ZNF385B: variants seen among roughly 807,000 people sequenced by gnomAD.
The protein encoded by ZNF385B is zinc finger protein 385B.
ZNF385B carries 23 observed loss-of-function variants against 39.2 expected under a neutral mutation model. That is an observed-to-expected ratio of 0.59 (90% CI 0.42 to 0.83). The LOEUF is 0.83. Ranked by LOEUF, ZNF385B falls within the 40% of genes least tolerant of loss-of-function variation. The pLI is 0.00. For synonymous variants in ZNF385B, 205 were observed against 222.6 expected (o/e 0.92, Z 0.70); for missense variants, 552 against 598.9 (o/e 0.92, Z 0.82).
chr2:179,618,383 T>C (rs933228040), intron 3 of ZNF385B, among the ~76,000 whole-genome samples: 4 of 152,120 alleles, frequency 2.6e-5, no homozygotes, highest in Non-Finnish European at 4.4e-5. Flanking sequence ...GCCTTAAATG[T>C]CACTCTTTCC....
chr2:179,740,868 T>A (rs1431718461), intron 3 of ZNF385B, among the ~76,000 whole-genome samples: 1 of 151,994 alleles, frequency 6.6e-6, no homozygotes, highest in Non-Finnish European at 1.5e-5. Context: ...AGGCAAAAAA[T>A]ATCTTGAGAG....
intron 3 of ZNF385B, among the ~76,000 whole-genome samples, chr2:179,735,983 G>GTAAC (rs57913425): frequency 0.085 from 12,671 of 149,724 alleles, 636 homozygotes; most frequent in Non-Finnish European, 0.11. Flanking sequence ...GTACACGTAT[G>GTAAC]TAACCTGCAC....
intron 3 of ZNF385B, among the ~76,000 whole-genome samples, chr2:179,595,646 G>A (rs1687935137): frequency 6.7e-6 from 1 of 150,066 alleles, no homozygotes; most frequent in Admixed American, 6.6e-5. Context: ...TTCTTCCAGA[G>A]ACAGGGTCTC....
intron 6 of ZNF385B, among the ~76,000 whole-genome samples, chr2:179,451,215 C>T (rs1394946199): frequency 6.9e-6 from 1 of 145,932 alleles, no homozygotes; most frequent in Non-Finnish European, 1.5e-5. Context: ...CTAACCTGCA[C>T]GTTGTGCACA....
intron 3 of ZNF385B, among the ~76,000 whole-genome samples, chr2:179,627,152 G>A (rs370083378): frequency 2.6e-5 from 4 of 152,224 alleles, no homozygotes; most frequent in African/African-American, 9.6e-5. Flanking sequence ...TTAGAGCTTG[G>A]TGAGTTTCTG....
chr2:179,745,465 T>A (rs978619579), intron 3 of ZNF385B, among the ~76,000 whole-genome samples: 2 of 152,160 alleles, frequency 1.3e-5, no homozygotes, highest in South Asian at 4.1e-4. Flanking sequence ...AGTCACCTAC[T>A]GGTAAGATGT....
intron 3 of ZNF385B, chr2:179,660,187 T>A (rs1456601985): frequency 6.6e-6 from 1 of 152,510 alleles, no homozygotes; most frequent in Middle Eastern, 3.2e-3. Flanking sequence ...TTATTGCAGA[T>A]TGAGTGTGAG....
intron 3 of ZNF385B, among the ~76,000 whole-genome samples, chr2:179,620,191 G>A (rs1007829813): frequency 3.9e-5 from 6 of 152,178 alleles, no homozygotes; most frequent in Non-Finnish European, 8.8e-5. Context: ...GCTAGACACA[G>A]AGATAAACTT....
intron 3 of ZNF385B, among the ~76,000 whole-genome samples, chr2:179,578,611 G>T (rs1686120034): frequency 6.6e-6 from 1 of 152,058 alleles, no homozygotes; most frequent in African/African-American, 2.4e-5. Flanking sequence ...ATCAACACAA[G>T]TCATTTGCAT....
Position 179,642,327 on chromosome 2 carries a change from T to C in ZNF385B, c.299-97358A>G, listed in dbSNP as rs1692338690. On this transcript the variant is annotated intron_variant, in intron 3 of 9. Transcript: ENST00000410066. ...GCTTCCCTTCTGATGGTCAATAATGTTCTTCCTCTAGTTTCATTTACATCC... is the reference window on the plus strand; with the variant it reads ...GCTTCCCTTCTGATGGTCAATAATGCTCTTCCTCTAGTTTCATTTACATCC... 2.0e-5 allele frequency among the ~76,000 whole-genome samples: 3 copies of C among 152,178 alleles called. No individual in the cohort carries two copies. The South Asian group carries it at 6.2e-4, about 31-fold the overall frequency.
intron 4 of ZNF385B, among the ~76,000 whole-genome samples, chr2:179,528,617 C>T (rs1427564448): frequency 6.6e-6 from 1 of 152,178 alleles, no homozygotes; most frequent in Non-Finnish European, 1.5e-5. Flanking sequence ...TCACCATCTC[C>T]TTCTCTTTAG....
Position 179,689,274 on chromosome 2 carries a change from G to C in ZNF385B, c.298+80229C>G, listed in dbSNP as rs948973126. The stretch of plus-strand genomic sequence containing the variant: ...TTATGACAAGGAAGAAAAGCTTTAC[G>C]GGTAAAAGCCGAGAACCAAGGAATT... On this transcript the variant is annotated intron_variant, in intron 3 of 9. Coordinates refer to ENST00000410066, the MANE Select transcript of ZNF385B (RefSeq NM_152520.6). Among the ~76,000 whole-genome samples the C allele has an allele frequency of 2.0e-5, 3 of 152,134 alleles. No homozygotes were observed. In the East Asian group the frequency reaches 5.8e-4, roughly 29 times the overall value.
chr2:179,855,488 T>C (rs1348601183), intron 1 of ZNF385B, among the ~76,000 whole-genome samples: 1 of 152,234 alleles, frequency 6.6e-6, no homozygotes, highest in Non-Finnish European at 1.5e-5. Context: ...CCAGTTTATA[T>C]GTCTTTTAAT....
intron 3 of ZNF385B, chr2:179,583,994 A>G (rs1276808941): frequency 8.1e-7 from 1 of 1,231,516 alleles, no homozygotes; most frequent in Non-Finnish European, 1.1e-6. Flanking sequence ...GCCATGTGCC[A>G]AACAACCTGC....
chr2:179,628,412 T>C (rs144206270), intron 3 of ZNF385B, among the ~76,000 whole-genome samples: 1 of 152,322 alleles, frequency 6.6e-6, no homozygotes, highest in Admixed American at 6.5e-5. Flanking sequence ...TCTTACATTT[T>C]GGATTTTGCT....
At position 179,721,887 on chromosome 2, in the gene ZNF385B, C is replaced by A. The variant is rs1038962552; in HGVS notation, c.298+47616G>T. Among the ~76,000 whole-genome samples, 6 of 151,838 alleles carry A rather than the reference C, an allele frequency of 4.0e-5. No homozygotes were observed. In the East Asian group the frequency reaches 1.2e-3, roughly 29 times the overall value. ...AAGACAAAAACAAACAAACAAAAAA[C>A]AATACAAGGTCTAAGAAATAGAGAA... On this transcript the variant is annotated intron_variant, in intron 3 of 9. Transcript: ENST00000410066.
At chr2:179,598,374 G>A (rs527600169) in intron 3 of ZNF385B, among the ~76,000 whole-genome samples, 153 of 152,120 alleles carry the variant, frequency 1.0e-3, no homozygotes, top group African/African-American at 3.6e-3. Flanking sequence ...GGGCTTTTCT[G>A]TGATTAAGGT....
At chr2:179,714,150 A>G (rs1329489980) in intron 3 of ZNF385B, among the ~76,000 whole-genome samples, 1 of 152,224 alleles carries the variant, frequency 6.6e-6, no homozygotes, top group African/African-American at 2.4e-5. Flanking sequence ...AAGGCATAGG[A>G]GGAGGAATAG....
intron 3 of ZNF385B, among the ~76,000 whole-genome samples, chr2:179,571,215 A>C (rs1403716633): frequency 6.6e-6 from 1 of 152,172 alleles, no homozygotes; most frequent in Admixed American, 6.5e-5. Flanking sequence ...CCTCTGCTCC[A>C]AACATCTTTT....
Sources: gnomAD v4.1 joint callset for allele counts (sites outside exome capture counted in the v4.1 genomes callset) on GRCh38, gnomAD v4.1.1 for gene constraint, MANE v1.5 for transcripts, NCBI Gene and HGNC (gene_info 2026-07-23, HGNC 2026-07-21) for gene names.